The following LYPD6B variants were observed in gnomAD, a reference collection of about 807,000 sequenced individuals.
LYPD6B encodes LY6/PLAUR domain containing 6B.
In LYPD6B, 17 loss-of-function variants were observed where a neutral mutation model predicts 22.8. That is an observed-to-expected ratio of 0.75 (90% CI 0.51 to 1.12). The LOEUF (loss-of-function observed/expected upper bound fraction) is 1.12, where lower values mean the gene tolerates loss of function less well. Ranked by LOEUF, LYPD6B falls within the 50% of genes most tolerant of loss-of-function variation. The pLI is 0.00. For synonymous variants in LYPD6B, 106 were observed against 91.6 expected (o/e 1.16, Z -0.90); for missense variants, 221 against 258.3 (o/e 0.86, Z 0.99).
chr2:149,129,090 G>A (rs1439018890), intron 1 of LYPD6B, among the ~76,000 whole-genome samples: 2 of 152,186 alleles, frequency 1.3e-5, no homozygotes, highest in South Asian at 4.1e-4. Flanking sequence ...TTGTGGGGTT[G>A]CTTGCATGCT....
At chr2:149,123,719 G>A (rs551468280) in intron 1 of LYPD6B, among the ~76,000 whole-genome samples, 2 of 152,180 alleles carry the variant, frequency 1.3e-5, no homozygotes, top group Non-Finnish European at 2.9e-5. Context: ...AAAATTAACC[G>A]GGCATGGTGG....
chr2:149,184,879 C>T (rs997540324), intron 3 of LYPD6B, among the ~76,000 whole-genome samples: 13 of 152,220 alleles, frequency 8.5e-5, no homozygotes, highest in South Asian at 2.1e-4. Context: ...AAATGTAGTA[C>T]GCGATAGGCA....
At chr2:149,088,084 C>T (rs559316021) in intron 1 of LYPD6B, among the ~76,000 whole-genome samples, 45 of 125,684 alleles carry the variant, frequency 3.6e-4, no homozygotes, top group African/African-American at 1.2e-3. Context: ...CCAGTAACCC[C>T]CTCCTGTTGC....
intron 2 of LYPD6B, among the ~76,000 whole-genome samples, chr2:149,149,328 GA>G (rs1396924463): frequency 1.3e-5 from 2 of 152,078 alleles, no homozygotes; most frequent in Non-Finnish European, 2.9e-5. Flanking sequence ...AGATTTCCAA[GA>G]GTTAATTTTG....
intron 1 of LYPD6B, among the ~76,000 whole-genome samples, chr2:149,050,027 G>A (rs1378087350): frequency 2.6e-5 from 4 of 152,262 alleles, no homozygotes; most frequent in Non-Finnish European, 2.9e-5. Context: ...TACACAGAAG[G>A]TACTAGACTC....
At chr2:149,070,473 CT>C (rs1684548818) in intron 1 of LYPD6B, among the ~76,000 whole-genome samples, 1 of 152,142 alleles carries the variant, frequency 6.6e-6, no homozygotes, top group African/African-American at 2.4e-5. Flanking sequence ...TCCTTCCCCC[CT>C]CATATAACCT....
chr2:149,131,060 G>A, intron 2 of LYPD6B, 107 bp downstream of exon 2: 2 of 772,972 alleles, frequency 2.6e-6, no homozygotes, highest in Non-Finnish European at 4.5e-6. Context: ...AAACATTTGT[G>A]ATCTGGAGTT....
intron 2 of LYPD6B, among the ~76,000 whole-genome samples, chr2:149,160,061 G>A (rs1236374249): frequency 1.3e-5 from 2 of 151,966 alleles, no homozygotes; most frequent in Non-Finnish European, 2.9e-5. Flanking sequence ...GGCTAAGATG[G>A]GAGGATCGCT....
intron 1 of LYPD6B, among the ~76,000 whole-genome samples, chr2:149,062,231 C>A (rs750036544): frequency 6.6e-6 from 1 of 152,230 alleles, no homozygotes; most frequent in Non-Finnish European, 1.5e-5. Context: ...AGGTGATCCA[C>A]CTGCCTCGGC....
chr2:149,044,753 A>G (rs146444124), intron 1 of LYPD6B, among the ~76,000 whole-genome samples: 204 of 152,196 alleles, frequency 1.3e-3, no homozygotes, highest in African/African-American at 4.6e-3. Context: ...TTGTAGATAC[A>G]ATATGATGTT....
At chr2:149,050,625 A>G (rs1683507632) in intron 1 of LYPD6B, among the ~76,000 whole-genome samples, 1 of 152,148 alleles carries the variant, frequency 6.6e-6, no homozygotes, top group Non-Finnish European at 1.5e-5. Flanking sequence ...CAAGTAACCC[A>G]CTGCTGTGCC....
intron 3 of LYPD6B, among the ~76,000 whole-genome samples, chr2:149,180,574 A>G (rs983397817): frequency 6.6e-6 from 1 of 152,232 alleles, no homozygotes; most frequent in Admixed American, 6.5e-5. Context: ...CAGAGGAAGT[A>G]TTAACTAGAC....
intron 2 of LYPD6B, among the ~76,000 whole-genome samples, chr2:149,136,832 G>A (rs1041672814): frequency 2.0e-5 from 3 of 152,210 alleles, no homozygotes; most frequent in Non-Finnish European, 4.4e-5. Flanking sequence ...TATGAAGAGG[G>A]AACAGTGCTA....
intron 2 of LYPD6B, among the ~76,000 whole-genome samples, chr2:149,144,514 C>A (rs954255112): frequency 6.6e-6 from 1 of 152,164 alleles, no homozygotes; most frequent in Non-Finnish European, 1.5e-5. Context: ...GCCTTAGCCT[C>A]CCAAATAGCT....
chr2:149,072,548 T>C (rs1394004096), intron 1 of LYPD6B, among the ~76,000 whole-genome samples: 6 of 151,698 alleles, frequency 4.0e-5, no homozygotes, highest in Non-Finnish European at 7.4e-5. Flanking sequence ...TTTTATTTTA[T>C]TTTTTTGAGA....
intron 1 of LYPD6B, among the ~76,000 whole-genome samples, chr2:149,044,525 T>A (rs1413365948): frequency 1.3e-5 from 2 of 152,082 alleles, no homozygotes; most frequent in Non-Finnish European, 2.9e-5. Context: ...TCATATTATC[T>A]GTGAATAGAG....
chr2:149,120,377 A>ATTTTTTT lies in LYPD6B; in HGVS notation c.-66-10505_-66-10504insTTTTTTT, dbSNP rs1343156188. ...TGTGTGTGTGTATATATATATATAT[A>ATTTTTTT]TATATATTTTTTTTTTTTTTTTTTT... On this transcript the variant is annotated intron_variant, in intron 1 of 6. Coordinates refer to ENST00000409642, the MANE Select transcript of LYPD6B (RefSeq NM_177964.5). Among the ~76,000 whole-genome samples, 47 of 43,134 alleles carry ATTTTTTT rather than the reference A, an allele frequency of 1.1e-3. 6 individuals are homozygous for ATTTTTTT. Among genetic ancestry groups the ATTTTTTT allele is most frequent in the Non-Finnish European group, 1.5e-3 (40 of 27,364 alleles). 28.3% of individuals were successfully genotyped at this position (43,134 alleles called of 152,430 possible).
intron 1 of LYPD6B, among the ~76,000 whole-genome samples, chr2:149,103,089 CTGT>C (rs1472974836): frequency 6.6e-6 from 1 of 152,204 alleles, no homozygotes; most frequent in Non-Finnish European, 1.5e-5. Flanking sequence ...CTCCCTTGAA[CTGT>C]TTCCTGCAGA....
At chr2:149,039,044 C>T (rs1280949853) in intron 1 of LYPD6B, among the ~76,000 whole-genome samples, 1 of 150,770 alleles carries the variant, frequency 6.6e-6, no homozygotes, top group African/African-American at 2.4e-5. Flanking sequence ...CTGGACGGGA[C>T]GGGAGCAGGG....
Sources: gnomAD v4.1 joint callset for allele counts (sites outside exome capture counted in the v4.1 genomes callset) on GRCh38, gnomAD v4.1.1 for gene constraint, MANE v1.5 for transcripts, NCBI Gene and HGNC (gene_info 2026-07-23, HGNC 2026-07-21) for gene names.